The following SNX29 variants were observed in gnomAD, a reference collection of about 807,000 sequenced individuals.
SNX29 encodes sorting nexin-29.
SNX29 carries 78 observed loss-of-function variants against 102.1 expected under a neutral mutation model. That is an observed-to-expected ratio of 0.76 (90% CI 0.64 to 0.92). The LOEUF is 0.92. Among genes scored for constraint, SNX29 ranks in the 40% least tolerant of loss-of-function variants. The pLI, the probability that SNX29 is intolerant of heterozygous loss-of-function variation, is 0.00. For missense variants in SNX29, 1,280 were observed against 1,061.7 expected (o/e 1.21, Z -2.86); for synonymous variants, 580 against 414.5 (o/e 1.40, Z -4.85).
chr16:12,066,112 A>G (rs2051025122), intron 9 of SNX29, among the ~76,000 whole-genome samples: 1 of 152,084 alleles, frequency 6.6e-6, no homozygotes, highest in African/African-American at 2.4e-5. Context: ...CTCTCATTGA[A>G]GGCTGGGTGG....
intron 13 of SNX29, among the ~76,000 whole-genome samples, chr16:12,169,480 C>T (rs532911289): frequency 3.3e-4 from 51 of 152,270 alleles, no homozygotes; most frequent in South Asian, 1.0e-3. Context: ...GGTCCTTTGC[C>T]GCCTACTGCC....
chr16:12,165,917 G>C (rs1440425322), intron 13 of SNX29, among the ~76,000 whole-genome samples: 1 of 152,228 alleles, frequency 6.6e-6, no homozygotes, highest in Non-Finnish European at 1.5e-5. Context: ...CTGCACACTA[G>C]CCATGTGACC....
rs577628589 is a variant in SNX29, at chr16:12,187,454, A to C, written c.1596-12147A>C. Among the ~76,000 whole-genome samples the C allele has an allele frequency of 1.7e-4, 26 of 152,102 alleles. 1 individual carries two copies. The highest frequency in any genetic ancestry group is 1.5e-3 in the Admixed American group (23 of 15,278). On this transcript the variant is annotated intron_variant, in intron 13 of 20. Transcript: ENST00000566228. Reference sequence around the variant, plus strand: ...TCCCAGCTACTTGGGAGGCTGAGGCAGGAGAATTGCTTGAACCCAGGAGGC... The same window carrying C: ...TCCCAGCTACTTGGGAGGCTGAGGCCGGAGAATTGCTTGAACCCAGGAGGC...
chr16:12,460,696 T>G (rs1403088025), intron 18 of SNX29, among the ~76,000 whole-genome samples: 1 of 151,054 alleles, frequency 6.6e-6, no homozygotes, highest in Non-Finnish European at 1.5e-5. Context: ...CTAGCTCTGT[T>G]GCCTAGGCTG....
chr16:12,289,998 C>G (rs375771338), intron 15 of SNX29, among the ~76,000 whole-genome samples: 1 of 152,050 alleles, frequency 6.6e-6, no homozygotes, highest in Non-Finnish European at 1.5e-5. Flanking sequence ...GCTGGAGAAA[C>G]GGGATACAGC....
At chr16:12,527,183 G>C (rs1269632419) in intron 20 of SNX29, 4 of 532,596 alleles carry the variant, frequency 7.5e-6, no homozygotes, top group African/African-American at 7.5e-5. Flanking sequence ...TGGGATTACA[G>C]GTCGGAATGT....
intron 16 of SNX29, chr16:12,374,955 A>G (rs551761391): frequency 2.0e-5 from 3 of 152,310 alleles, no homozygotes; most frequent in East Asian, 1.9e-4. Flanking sequence ...AGTAAATGTT[A>G]TAAGTGAAAA....
At chr16:12,047,452 C>G (rs2050133298) in intron 6 of SNX29, among the ~76,000 whole-genome samples, 1 of 152,122 alleles carries the variant, frequency 6.6e-6, no homozygotes, top group African/African-American at 2.4e-5. Flanking sequence ...CTTTGTAGAT[C>G]ATAAGATGCC....
At position 12,570,440 on chromosome 16, in the gene SNX29, C is replaced by G. The variant is rs537547128; in HGVS notation, c.*1811C>G. On this transcript the variant is annotated 3_prime_UTR_variant, in exon 21 of 21. Coordinates refer to ENST00000566228, the MANE Select transcript of SNX29 (RefSeq NM_032167.5). ...GACTGGCAACTCTAAATAGAGAGCC[C>G]TAATGGACTGAGGCAGGAAACGTCT... 33 of 243,484 alleles carry G rather than the reference C, an allele frequency of 1.4e-4. 1 individual carries two copies. Among genetic ancestry groups the G allele is most frequent in the African/African-American group, 7.2e-4 (33 of 45,624 alleles). 15.1% of individuals were successfully genotyped at this position (243,484 alleles called of 1,614,324 possible). A position where few individuals can be genotyped will look rare whatever the true frequency, so the allele number is the denominator to read the frequency against.
intron 3 of SNX29, among the ~76,000 whole-genome samples, chr16:12,018,934 G>A (rs1641841): frequency 6.6e-6 from 1 of 151,694 alleles, no homozygotes; most frequent in African/African-American, 2.4e-5. Flanking sequence ...TTGTGGGTTA[G>A]AAAGATTTAA....
intron 14 of SNX29, among the ~76,000 whole-genome samples, chr16:12,249,989 A>G (rs1259244526): frequency 6.6e-6 from 1 of 152,192 alleles, no homozygotes; most frequent in African/African-American, 2.4e-5. Context: ...TCGACAGGTC[A>G]AGGAGCAATC....
In SNX29 at chr16:12,382,164, C is replaced by T. The variant is rs959827731; in HGVS notation, c.1900-16282C>T. ...TCTCATTCATTCAGGAGGTATTTGC[C>T]GAGCGCCATGAGGACCTGCGATAGA... On this transcript the variant is annotated intron_variant, in intron 16 of 20. Coordinates refer to ENST00000566228, the MANE Select transcript of SNX29 (RefSeq NM_032167.5). 7.9e-5 allele frequency among the ~76,000 whole-genome samples: 12 copies of T among 152,134 alleles called. 1 individual carries two copies. In the East Asian group the frequency reaches 1.4e-3, roughly 17 times the overall value.
At chr16:12,553,230 T>C (rs902609355) in intron 20 of SNX29, among the ~76,000 whole-genome samples, 2 of 151,250 alleles carry the variant, frequency 1.3e-5, no homozygotes, top group Non-Finnish European at 2.9e-5. Context: ...GATGGGGACT[T>C]GAGAATACAG....
chr16:12,319,676 C>T (rs1453641038), intron 15 of SNX29, among the ~76,000 whole-genome samples: 3 of 152,122 alleles, frequency 2.0e-5, no homozygotes, highest in Admixed American at 6.5e-5. Flanking sequence ...GAAACTGACC[C>T]GCCAGGAGGA....
At chr16:12,091,775 C>CAAAAA (rs71408236) in intron 11 of SNX29, among the ~76,000 whole-genome samples, 28 of 93,954 alleles carry the variant, frequency 3.0e-4, no homozygotes, top group South Asian at 8.2e-4. Flanking sequence ...AGATCCTTCT[C>CAAAAA]AAAAAAAAAA....
At chr16:12,313,910 C>T (rs2080647141) in intron 15 of SNX29, among the ~76,000 whole-genome samples, 1 of 152,278 alleles carries the variant, frequency 6.6e-6, no homozygotes, top group South Asian at 2.1e-4. Context: ...AAACAACCAT[C>T]TGGCTGTTAA....
chr16:12,048,748 G>A lies in SNX29; in HGVS notation c.748+128G>A. The A allele has an allele frequency of 2.0e-6, 3 of 1,503,872 alleles. No homozygotes were observed. The South Asian group carries it at 3.5e-5, about 17-fold the overall frequency. The allele number at this position is 1,503,872 out of a possible 1,614,324, so 93.2% of individuals were successfully genotyped here. On this transcript the variant is annotated intron_variant, in intron 7 of 20. Transcript: ENST00000566228. ...TCCAGTGCACTTGCGTTTTCCATTTGTGTTTCTGTTTCTCATCCTCATTCA... is the reference window on the plus strand; with the variant it reads ...TCCAGTGCACTTGCGTTTTCCATTTATGTTTCTGTTTCTCATCCTCATTCA...
chr16:12,429,690 T>A (rs2085234407), intron 18 of SNX29, among the ~76,000 whole-genome samples: 1 of 152,246 alleles, frequency 6.6e-6, no homozygotes, highest in East Asian at 1.9e-4. Flanking sequence ...TCTCTGATTG[T>A]TCCTTTTGCT....
At chr16:12,164,680 C>CTTTTT (rs34046413) in intron 13 of SNX29, among the ~76,000 whole-genome samples, 9 of 90,592 alleles carry the variant, frequency 9.9e-5, no homozygotes, top group Middle Eastern at 8.9e-3. Flanking sequence ...TTATTCATGC[C>CTTTTT]TTTTTTTTTT....
Sources: allele counts gnomAD v4.1 joint callset (sites outside exome capture counted in the v4.1 genomes callset), GRCh38; gene constraint gnomAD v4.1.1; transcripts MANE v1.5; gene names NCBI Gene and HGNC (gene_info 2026-07-23, HGNC 2026-07-21).